Variants in ZYG11B observed in about 807,000 individuals in gnomAD.
ZYG11B encodes the protein zyg-11 family member B, cell cycle regulator.
In ZYG11B, 36 loss-of-function variants were observed where a neutral mutation model predicts 82.4. The ratio of observed to expected loss-of-function variants is 0.44; its 90% CI spans 0.33 to 0.58. The LOEUF is 0.58. Ranked by LOEUF, ZYG11B falls within the 20% of genes least tolerant of loss-of-function variation. ZYG11B has a pLI of 0.02. For missense variants in ZYG11B, 552 were observed against 895.6 expected (o/e 0.62, Z 4.90); for synonymous variants, 303 against 312.8 (o/e 0.97, Z 0.33).
intron 8 of ZYG11B, among the ~76,000 whole-genome samples, chr1:52,798,404 A>G (rs1480340043): frequency 1.3e-5 from 2 of 152,168 alleles, no homozygotes; most frequent in Non-Finnish European, 2.9e-5. Flanking sequence ...GCTTGAGCCC[A>G]GGAGTTCAAG....
intron 1 of ZYG11B, 114 bp downstream of exon 1, chr1:52,726,797 T>C: frequency 9.6e-7 from 1 of 1,036,948 alleles, no homozygotes; most frequent in Non-Finnish European, 1.3e-6. Context: ...TCGGGCTCCC[T>C]GCCTTTACCT....
chr1:52,815,921 C>T (rs555993929), intron 12 of ZYG11B, among the ~76,000 whole-genome samples: 4 of 151,796 alleles, frequency 2.6e-5, no homozygotes, highest in African/African-American at 9.7e-5. Flanking sequence ...GGCGACAGAG[C>T]GAGACTCCGT....
rs760749281 is a variant in ZYG11B, at chr1:52,783,788, T to TTATATATATA, written c.1093-1080_1093-1071dup. On this transcript the variant is annotated intron_variant, in intron 4 of 13. Coordinates refer to ENST00000294353, the MANE Select transcript of ZYG11B (RefSeq NM_024646.3). Reference sequence around the variant, plus strand: ...TAGGCGTGTACTACCATGCCCAGCTTTATATATATATATATATACACACAC... The same window carrying TTATATATATA: ...TAGGCGTGTACTACCATGCCCAGCTTTATATATATATATATATATATATATATACACACAC... Among the ~76,000 whole-genome samples, 479 of 51,436 alleles carry TTATATATATA rather than the reference T, an allele frequency of 9.3e-3. 6 individuals are homozygous for TTATATATATA. The highest frequency in any genetic ancestry group is 0.055 in the African/African-American group (440 of 7,942). The allele number at this position is 51,436 out of a possible 152,430, so 33.7% of individuals were successfully genotyped here.
In ZYG11B at chr1:52,822,973, A is replaced by G. The variant is rs1162515818; in HGVS notation, c.*1344A>G. ...TTTTTCATAGATGGCCAGTGTTTTC[A>G]ACAGAGATTTAAAATGGAATATTAA... On this transcript the variant is annotated 3_prime_UTR_variant, in exon 14 of 14. Coordinates refer to ENST00000294353, the MANE Select transcript of ZYG11B (RefSeq NM_024646.3). 3 of 152,192 alleles carry G rather than the reference A, an allele frequency of 2.0e-5. No homozygotes were observed. Among genetic ancestry groups the G allele is most frequent in the Non-Finnish European group, 2.9e-5 (2 of 68,038 alleles). 9.4% of individuals were successfully genotyped at this position (152,192 alleles called of 1,614,324 possible).
chr1:52,794,430 C>G (rs991231426), intron 6 of ZYG11B, among the ~76,000 whole-genome samples: 3 of 152,144 alleles, frequency 2.0e-5, no homozygotes, highest in Non-Finnish European at 4.4e-5. Context: ...AAGAGAAGTT[C>G]TACAGTAGTA....
Position 52,792,212 on chromosome 1 carries a change from TG to T in ZYG11B, c.1334+2147del, listed in dbSNP as rs1644965272. Among the ~76,000 whole-genome samples the T allele has an allele frequency of 2.0e-5, 3 of 152,128 alleles. No individual in the cohort carries two copies. In the South Asian group the frequency reaches 6.2e-4, roughly 31 times the overall value. On this transcript the variant is annotated intron_variant, in intron 6 of 13. Coordinates refer to ENST00000294353, the MANE Select transcript of ZYG11B (RefSeq NM_024646.3). Reference sequence around the variant, plus strand: ...CTCTAGTGCTTGGGTGGATATTTAGTGGATTGATTGATGGATGAATGAATGA... The same window carrying T: ...CTCTAGTGCTTGGGTGGATATTTAGTGATTGATTGATGGATGAATGAATGA...
Position 52,785,050 on chromosome 1 carries a change from G to C in ZYG11B, c.1266G>C (p.Gln422His). The C allele has an allele frequency of 6.2e-7, 1 of 1,612,952 alleles. No individual in the cohort carries two copies. The highest frequency in any genetic ancestry group is 8.5e-7 in the Non-Finnish European group (1 of 1,179,788). Residue 422 changes from glutamine to histidine, a missense_variant, in exon 5 of 14, where the codon CAG (glutamine) becomes CAC (histidine). Coordinates refer to ENST00000294353, the MANE Select transcript of ZYG11B (RefSeq NM_024646.3). Reference protein sequence around the residue: ...LKAMEHFPNHQQLQKNCLLSL... With the variant: ...LKAMEHFPNHHQLQKNCLLSL... ...CCATGGAACATTTTCCCAATCACCAGCAGGTAAGCTTATGTGAATTCCTTT... is the reference window on the plus strand; with the variant it reads ...CCATGGAACATTTTCCCAATCACCACCAGGTAAGCTTATGTGAATTCCTTT...
intron 1 of ZYG11B, among the ~76,000 whole-genome samples, chr1:52,744,094 A>C (rs1571745113): frequency 6.6e-6 from 1 of 151,630 alleles, no homozygotes; most frequent in Non-Finnish European, 1.5e-5. Flanking sequence ...AAGCCACCAC[A>C]CCCAGCTAAT....
chr1:52,791,663 C>T (rs1165173510), intron 6 of ZYG11B, among the ~76,000 whole-genome samples: 1 of 152,224 alleles, frequency 6.6e-6, no homozygotes, highest in African/African-American at 2.4e-5. Flanking sequence ...GCCACTGCGC[C>T]TGGCCTTCAA....
rs1412962228 is a variant in ZYG11B, at chr1:52,726,453, G to A, written c.-201G>A. ...CGCCCGGGCGGGTCCTCGCGGGGGC[G>A]GAGTCTGCGCTCTGGTTCGGGCTGC... On this transcript the variant is annotated 5_prime_UTR_variant, in exon 1 of 14. Transcript: ENST00000294353. 3.6e-5 allele frequency: 16 copies of A among 446,034 alleles called. No homozygotes were observed. The highest frequency in any genetic ancestry group is 3.5e-4 in the East Asian group (9 of 25,888). The allele number at this position is 446,034 out of a possible 1,614,324, so 27.6% of individuals were successfully genotyped here. A position where few individuals can be genotyped will look rare whatever the true frequency, so the allele number is the denominator to read the frequency against.
At chr1:52,772,192 A>C in intron 3 of ZYG11B, 1 of 1,472,756 alleles carries the variant, frequency 6.8e-7, no homozygotes, top group Non-Finnish European at 9.5e-7. Context: ...ACACAGACAA[A>C]TTTATGCGAC....
chr1:52,792,606 C>G (rs1054200625), intron 6 of ZYG11B, among the ~76,000 whole-genome samples: 1 of 152,184 alleles, frequency 6.6e-6, no homozygotes, highest in Non-Finnish European at 1.5e-5. Context: ...TTCAGTCTGA[C>G]TCCAGGGCCT....
Position 52,816,454 on chromosome 1 carries a change from AAAGTT to A in ZYG11B, c.1947-77_1947-73del, listed in dbSNP as rs1369406442. 10 of 978,828 alleles carry A rather than the reference AAAGTT, an allele frequency of 1.0e-5. No homozygotes were observed. In the African/African-American group the frequency reaches 1.5e-4, roughly 14 times the overall value. 60.6% of individuals were successfully genotyped at this position (978,828 alleles called of 1,614,324 possible). A position where few individuals can be genotyped will look rare whatever the true frequency, so the allele number is the denominator to read the frequency against. On this transcript the variant is annotated intron_variant, in intron 12 of 13. Coordinates refer to ENST00000294353, the MANE Select transcript of ZYG11B (RefSeq NM_024646.3). Reference sequence around the variant, plus strand: ...TAATAGGATAAAATTTTGAAAATGAAAAGTTTAGGAATCACTGCTTTAGGAAATTA... The same window carrying A: ...TAATAGGATAAAATTTTGAAAATGAATAGGAATCACTGCTTTAGGAAATTA...
chr1:52,753,206 G>T (rs901698360), intron 1 of ZYG11B, among the ~76,000 whole-genome samples: 2 of 152,110 alleles, frequency 1.3e-5, no homozygotes, highest in African/African-American at 4.8e-5. Context: ...ACAAGATTTT[G>T]TGTGGACATG....
At chr1:52,770,873 A>G in intron 2 of ZYG11B, 147 bp from the exon 3 acceptor site, 1 of 986,268 alleles carries the variant, frequency 1.0e-6, no homozygotes, top group Non-Finnish European at 1.5e-6. Flanking sequence ...TACAAGTTGT[A>G]AACAATAATA....
At chr1:52,791,565 C>T (rs1412673594) in intron 6 of ZYG11B, among the ~76,000 whole-genome samples, 1 of 151,862 alleles carries the variant, frequency 6.6e-6, no homozygotes, top group Non-Finnish European at 1.5e-5. Context: ...GATGGGGTTT[C>T]ACCATGTTGG....
At chr1:52,758,375 C>T (rs115946213) in intron 2 of ZYG11B, among the ~76,000 whole-genome samples, 2 of 152,080 alleles carry the variant, frequency 1.3e-5, no homozygotes, top group South Asian at 2.1e-4. Context: ...GTGGAATTTT[C>T]GCAAAAACTC....
intron 1 of ZYG11B, among the ~76,000 whole-genome samples, chr1:52,738,191 AAACTTTTATT>A (rs756036766): frequency 2.0e-5 from 3 of 152,274 alleles, no homozygotes; most frequent in Admixed American, 6.5e-5. Flanking sequence ...ATTCTTTTAA[AAACTTTTATT>A]AACTTTTTCT....
In ZYG11B at chr1:52,756,363, T is replaced by A; in HGVS notation, c.31-95T>A. 11 of 1,206,938 alleles carry A rather than the reference T, an allele frequency of 9.1e-6. 1 individual carries two copies. In the South Asian group the frequency reaches 1.6e-4, roughly 17 times the overall value. The allele number at this position is 1,206,938 out of a possible 1,614,324, so 74.8% of individuals were successfully genotyped here. A position where few individuals can be genotyped will look rare whatever the true frequency, so the allele number is the denominator to read the frequency against. On this transcript the variant is annotated intron_variant, in intron 1 of 13. Coordinates refer to ENST00000294353, the MANE Select transcript of ZYG11B (RefSeq NM_024646.3). ...ATATGATAGACACTAAAGAAATACT[T>A]GTGAAATGAGTAAATGAATGTTTTG...
Sources: gnomAD v4.1 joint callset for allele counts (sites outside exome capture counted in the v4.1 genomes callset) on GRCh38, gnomAD v4.1.1 for gene constraint, MANE v1.5 for transcripts, NCBI Gene and HGNC (gene_info 2026-07-23, HGNC 2026-07-21) for gene names.